Variants in PLEKHA7 observed in about 807,000 individuals in gnomAD.
The protein encoded by PLEKHA7 is pleckstrin homology domain containing A7, also known as pleckstrin homology domain-containing family A member 7.
A neutral mutation model predicts 170.0 loss-of-function variants in PLEKHA7; 104 were observed. That is an observed-to-expected ratio of 0.61 (90% CI 0.52 to 0.72). The LOEUF is 0.72. PLEKHA7 is among the 30% of genes least tolerant of loss of function. The pLI is 0.00. For missense variants in PLEKHA7, 1,615 were observed against 1,671.7 expected, an observed-to-expected ratio of 0.97 and a Z score of 0.59; for synonymous variants, 648 against 660.8, an observed-to-expected ratio of 0.98 and a Z score of 0.30.
intron 3 of PLEKHA7, among the ~76,000 whole-genome samples, chr11:16,876,981 A>G (rs1216240852): frequency 6.6e-6 from 1 of 152,234 alleles, no homozygotes; most frequent in Non-Finnish European, 1.5e-5. Context: ...TGGTGTTGGT[A>G]TGCTGAGAGT....
At chr11:16,821,481 C>T (rs1247574900) in intron 10 of PLEKHA7, among the ~76,000 whole-genome samples, 1 of 152,214 alleles carries the variant, frequency 6.6e-6, no homozygotes, top group African/African-American at 2.4e-5. Flanking sequence ...AAATTTGTAT[C>T]TCCAATTAGA....
chr11:16,789,007 T>C lies in PLEKHA7; in HGVS notation c.3357+89A>G. 6.9e-7 allele frequency: 1 copy of C among 1,452,476 alleles called. No homozygotes were observed. Among genetic ancestry groups the C allele is most frequent in the Non-Finnish European group, 9.3e-7 (1 of 1,076,672 alleles). 90.0% of individuals were successfully genotyped at this position (1,452,476 alleles called of 1,614,324 possible). A position where few individuals can be genotyped will look rare whatever the true frequency, so the allele number is the denominator to read the frequency against. ...GTAGGTCAATGGACAGCTCTCTCAC[T>C]GGGAGGTGTGATGTGCTTGTGTTTG... On this transcript the variant is annotated intron_variant, in intron 23 of 26. Coordinates refer to ENST00000531066, the MANE Select transcript of PLEKHA7 (RefSeq NM_001329630.2). The surrounding 1 kb of genome is among the most constrained non-coding windows in gnomAD (Gnocchi z 4.6).
intron 3 of PLEKHA7, among the ~76,000 whole-genome samples, chr11:16,991,154 C>T (rs1864021179): frequency 2.6e-5 from 4 of 152,186 alleles, no homozygotes; most frequent in Admixed American, 2.0e-4. Context: ...GCCCCCGAGA[C>T]TCCCAGGCTC....
At position 16,879,326 on chromosome 11, in the gene PLEKHA7, C is replaced by T. The variant is rs1478249255; in HGVS notation, c.222-8144G>A. Among the ~76,000 whole-genome samples the T allele has an allele frequency of 2.0e-5, 3 of 152,296 alleles. No homozygotes were observed. In the East Asian group the frequency reaches 5.8e-4, roughly 29 times the overall value. ...AATATTCATGGAGTAGGCACTTGAA[C>T]CCCTTTACTTCAAAACAGCCTGAGC... On this transcript the variant is annotated intron_variant, in intron 3 of 26. Coordinates refer to ENST00000531066, the MANE Select transcript of PLEKHA7 (RefSeq NM_001329630.2).
chr11:16,843,830 G>A (rs385627), intron 8 of PLEKHA7, among the ~76,000 whole-genome samples: 14,569 of 152,136 alleles, frequency 0.096, 810 homozygotes, highest in East Asian at 0.16. Context: ...TCAGCTACTC[G>A]GGAGGCTGAG....
At chr11:16,995,833 C>T (rs536774801) in intron 3 of PLEKHA7, among the ~76,000 whole-genome samples, 11 of 152,216 alleles carry the variant, frequency 7.2e-5, no homozygotes, top group African/African-American at 2.6e-4. Flanking sequence ...CAGCCAAGGT[C>T]GTAATTAGGA....
chr11:17,001,179 T>A (rs538710911), intron 3 of PLEKHA7, among the ~76,000 whole-genome samples: 1 of 152,256 alleles, frequency 6.6e-6, no homozygotes, highest in South Asian at 2.1e-4. Flanking sequence ...TGTCCAGCAT[T>A]CCTCTCCTGT....
chr11:16,830,059 G>C (rs1352848833), intron 9 of PLEKHA7, among the ~76,000 whole-genome samples: 1 of 151,940 alleles, frequency 6.6e-6, no homozygotes, highest in Non-Finnish European at 1.5e-5. Context: ...GCTCACCGCA[G>C]CCTCAACCTC....
At chr11:16,823,494 C>T (rs1258005896) in intron 10 of PLEKHA7, among the ~76,000 whole-genome samples, 1 of 152,168 alleles carries the variant, frequency 6.6e-6, no homozygotes, top group Non-Finnish European at 1.5e-5. Context: ...AAGGCAATGA[C>T]TCTAGAATTC....
chr11:16,784,418 T>C (rs958020949), intron 24 of PLEKHA7, among the ~76,000 whole-genome samples: 1 of 152,174 alleles, frequency 6.6e-6, no homozygotes, highest in Non-Finnish European at 1.5e-5. Flanking sequence ...AAATGGATGA[T>C]TGACAGGTGG....
chr11:16,779,961 T>C (rs1298304851), intron 26 of PLEKHA7, among the ~76,000 whole-genome samples: 2 of 123,252 alleles, frequency 1.6e-5, no homozygotes, highest in East Asian at 4.7e-4. Flanking sequence ...GCTTTTGTTT[T>C]TTCATCTCTA....
intron 23 of PLEKHA7, chr11:16,787,363 C>T: frequency 6.4e-6 from 2 of 314,636 alleles, no homozygotes; most frequent in Non-Finnish European, 9.2e-6. Context: ...ACCCCAAACC[C>T]AGAGCCATAT....
chr11:16,852,287 A>G lies in PLEKHA7; in HGVS notation c.591T>C (p.Tyr197=), dbSNP rs764053577. 1.5e-5 allele frequency: 24 copies of G among 1,613,932 alleles called. No individual in the cohort carries two copies. The highest frequency in any genetic ancestry group is 1.9e-5 in the Non-Finnish European group (22 of 1,179,866). Residue 197 remains tyrosine, a synonymous_variant, in exon 7 of 27, where the codon TAT becomes TAC. Coordinates refer to ENST00000531066, the MANE Select transcript of PLEKHA7 (RefSeq NM_001329630.2). ...ATAGGCTACTTGTTAGCTCACCTTT[A>G]TAGTAAAATAAGCAGTAATCAGCAA... ...FVLADYCLFY[Y]KDSREEAVLG... is the part of the protein sequence containing the mutation.
At chr11:16,862,893 T>C (rs1854081294) in intron 4 of PLEKHA7, among the ~76,000 whole-genome samples, 1 of 152,138 alleles carries the variant, frequency 6.6e-6, no homozygotes, top group Non-Finnish European at 1.5e-5. Flanking sequence ...GGCAACCAAA[T>C]ACAACAGGCA....
intron 3 of PLEKHA7, among the ~76,000 whole-genome samples, chr11:16,897,014 G>A (rs954003396): frequency 5.9e-5 from 9 of 152,178 alleles, no homozygotes; most frequent in Non-Finnish European, 7.3e-5. Flanking sequence ...ACAGAGCCTA[G>A]TATACAGTAT....
intron 8 of PLEKHA7, among the ~76,000 whole-genome samples, chr11:16,843,574 C>A (rs1852142089): frequency 6.6e-6 from 1 of 152,226 alleles, no homozygotes; most frequent in African/African-American, 2.4e-5. Flanking sequence ...CCTTCCTTTG[C>A]ATGTATCAGC....
In PLEKHA7 at chr11:16,826,515, C is replaced by A; in HGVS notation, c.948G>T (p.Val316=). ...HTESCHECGR[V]GPGHTRDCPH... is the part of the protein sequence containing the mutation. ...GACAATCTCTCGTATGTCCGGGTCC[C>A]ACCCGGCCACATTCGTGACAGGACT... The change falls in exon 10 of 27, where the codon GTG becomes GTT. Residue 316 remains valine, a synonymous_variant. Coordinates refer to ENST00000531066, the MANE Select transcript of PLEKHA7 (RefSeq NM_001329630.2). 1 of 1,614,212 alleles carries A rather than the reference C, an allele frequency of 6.2e-7. No individual in the cohort carries two copies. Among genetic ancestry groups the A allele is most frequent in the Non-Finnish European group, 8.5e-7 (1 of 1,180,036 alleles).
intron 3 of PLEKHA7, among the ~76,000 whole-genome samples, chr11:16,903,661 T>C (rs1401720875): frequency 2.0e-5 from 3 of 151,914 alleles, no homozygotes; most frequent in Non-Finnish European, 4.4e-5. Flanking sequence ...GAAAGGGGAG[T>C]CAATGGTTCC....
At position 16,826,111 on chromosome 11, in the gene PLEKHA7, A is replaced by G. The variant is rs770507832; in HGVS notation, c.1343+9T>C. 15 of 1,610,598 alleles carry G rather than the reference A, an allele frequency of 9.3e-6. No individual in the cohort carries two copies. The highest frequency in any genetic ancestry group is 1.2e-5 in the Non-Finnish European group (14 of 1,177,468). ...CGTTATAAGCAGCGATCCTGAGTCT[A>G]TTACTCACCTCCTGCTATCCCCTTT... On this transcript the variant is annotated intron_variant, in intron 10 of 26. Transcript: ENST00000531066.
Sources: gnomAD v4.1 joint callset for allele counts (sites outside exome capture counted in the v4.1 genomes callset) on GRCh38, gnomAD v4.1.1 for gene constraint, Gnocchi (gnomAD v3.1) non-coding constraint, MANE v1.5 for transcripts, NCBI Gene and HGNC (gene_info 2026-07-23, HGNC 2026-07-21) for gene names.